Variants in GAREM2 observed in about 807,000 individuals in gnomAD.
GAREM2 encodes the protein GRB2 associated regulator of MAPK1 subtype 2.
A neutral mutation model predicts 55.6 loss-of-function variants in GAREM2; 30 were observed. The ratio of observed to expected loss-of-function variants is 0.54; its 90% confidence interval spans 0.40 to 0.73. GAREM2 has a LOEUF of 0.73. Ranked by LOEUF, GAREM2 falls within the 30% of genes least tolerant of loss-of-function variation. The probability of loss-of-function intolerance (pLI) is 0.00; values close to 1 mark genes in which losing one functional copy is unlikely to be tolerated. For missense variants in GAREM2, 1,075 were observed against 1,257.7 expected (o/e 0.85, Z 2.20); for synonymous variants, 550 against 569.1 (o/e 0.97, Z 0.48).
chr2:26,188,027 T>C lies in GAREM2; in HGVS notation c.2395T>C (p.Ser799Pro), dbSNP rs1300897102. 1 of 1,496,550 alleles carries C rather than the reference T, an allele frequency of 6.7e-7. No homozygotes were observed. Among genetic ancestry groups the C allele is most frequent in the Non-Finnish European group, 9.0e-7 (1 of 1,114,104 alleles). The allele number at this position is 1,496,550 out of a possible 1,614,324, so 92.7% of individuals were successfully genotyped here. ...ATGFGVRDAS[S>P]WQPPADLSAL... ...AGGCTTTGGAGTCCGAGATGCCTCC[T>C]CCTGGCAGCCCCCTGCTGACCTGTC... Residue 799 changes from serine to proline, a missense_variant, in exon 6 of 6, where the codon TCC becomes CCC. By Grantham distance (74) the Ser-to-Pro change is moderately conservative (BLOSUM62 -1). Transcript: ENST00000401533.
At chr2:26,183,352 T>G (rs1669116159) in intron 3 of GAREM2, among the ~76,000 whole-genome samples, 1 of 152,218 alleles carries the variant, frequency 6.6e-6, no homozygotes, top group Non-Finnish European at 1.5e-5. Flanking sequence ...TTGGAGACTT[T>G]TCAGGGCAAC....
intron 2 of GAREM2, among the ~76,000 whole-genome samples, chr2:26,178,493 T>TG (rs1281568898): frequency 6.6e-6 from 1 of 151,776 alleles, no homozygotes; most frequent in South Asian, 2.1e-4. Flanking sequence ...TGAAGCCAGG[T>TG]GGGGGGGATC....
rs374043822 is a variant in GAREM2 at position 26,180,983 on chromosome 2, C to T, written c.254-1984C>T. ...CATCCTGAGTCCCTTCCTTCCCCAC[C>T]TCCCCCTTCTTCTGTCACCCAAGCC... is the stretch of plus-strand genomic sequence containing the variant. On this transcript the variant is annotated intron_variant, in intron 2 of 5. Coordinates refer to ENST00000401533, the MANE Select transcript of GAREM2 (RefSeq NM_001168241.2). 3.8e-5 allele frequency: 37 copies of T among 985,562 alleles called. No individual in the cohort carries two copies. In the African/African-American group the frequency reaches 5.9e-4, roughly 16 times the overall value. The allele number at this position is 985,562 out of a possible 1,614,324, so 61.1% of individuals were successfully genotyped here.
rs929014675 is a variant in GAREM2 at position 26,187,324 on chromosome 2, G to A, written c.1692G>A (p.Glu564=). 1.3e-6 allele frequency: 2 copies of A among 1,533,496 alleles called. No homozygotes were observed. Among genetic ancestry groups the A allele is most frequent in the African/African-American group, 1.4e-5 (1 of 72,292 alleles). The allele number at this position is 1,533,496 out of a possible 1,614,324, so 95.0% of individuals were successfully genotyped here. ...PCTWGDCKVG[E]SSSRPAPGPL... ...CCTGGGGAGACTGCAAGGTGGGCGA[G>A]TCCTCTAGCCGCCCAGCCCCCGGTC... Residue 564 remains glutamate (E), a synonymous_variant, in exon 6 of 6, where the codon GAG becomes GAA. Coordinates refer to ENST00000401533, the MANE Select transcript of GAREM2 (RefSeq NM_001168241.2).
the GAREM2 span, among the ~76,000 whole-genome samples, chr2:26,203,628 C>T: frequency 6.6e-6 from 1 of 152,174 alleles, no homozygotes; most frequent in African/African-American, 2.4e-5. Flanking sequence ...AGTTACTGCC[C>T]ATTTCCTTAC....
At position 26,187,263 on chromosome 2, in the gene GAREM2, C is replaced by T. The variant is rs936677530; in HGVS notation, c.1631C>T (p.Ser544Leu). 13 of 1,454,358 alleles carry T rather than the reference C, an allele frequency of 8.9e-6. No individual in the cohort carries two copies. The highest frequency in any genetic ancestry group is 1.1e-5 in the Non-Finnish European group (12 of 1,098,094). The allele number at this position is 1,454,358 out of a possible 1,614,324, so 90.1% of individuals were successfully genotyped here. A position where few individuals can be genotyped will look rare whatever the true frequency, so the allele number is the denominator to read the frequency against. The stretch of plus-strand genomic sequence containing the variant: ...TCCCGCAGTGGCAGTGGCTCCCCAT[C>T]GCCGGACACCTACTCCCTCTATTGC... ...AGSRSGSGSP[S>L]PDTYSLYCYP... is the part of the protein sequence containing the mutation. Residue 544 changes from serine to leucine, a missense_variant, in exon 6 of 6, where the codon TCG becomes TTG. Transcript: ENST00000401533.
chr2:26,177,065 T>C (rs545930315), intron 2 of GAREM2, among the ~76,000 whole-genome samples: 1 of 152,354 alleles, frequency 6.6e-6, no homozygotes, highest in Admixed American at 6.5e-5. Context: ...GACGTTGACA[T>C]ATAATAAGAT....
At chr2:26,192,862 T>A (rs1324602671), downstream of GAREM2, among the ~76,000 whole-genome samples, 1 of 152,172 alleles carries the variant, frequency 6.6e-6, no homozygotes, top group Non-Finnish European at 1.5e-5. Flanking sequence ...AGCAAATTAG[T>A]CTTTGTCAGA....
At chr2:26,177,909 C>G (rs7601866) in intron 2 of GAREM2, among the ~76,000 whole-genome samples, 115,686 of 152,158 alleles carry the variant, frequency 0.76, 45,004 homozygotes, top group African/African-American at 0.93. Context: ...TTACAGGTGT[C>G]AGCCACCAAA....
chr2:26,191,241 G>A, downstream of GAREM2: 2 of 1,611,828 alleles, frequency 1.2e-6, no homozygotes, highest in Non-Finnish European at 1.7e-6. Context: ...AGCGAGGCAT[G>A]AGGCCTGCTC....
intron 3 of GAREM2, 73 bp downstream of exon 3, chr2:26,183,170 G>A: frequency 6.7e-7 from 1 of 1,501,624 alleles, no homozygotes; most frequent in South Asian, 1.2e-5. Context: ...GACTCTGGTT[G>A]GAAGGTTGCC....
At position 26,183,022 on chromosome 2, in the gene GAREM2, C is replaced by T. The variant is rs1282859521; in HGVS notation, c.309C>T (p.Phe103=). The part of the protein sequence containing the change: ...ARDVREPVRY[F]SSVEEVASVF... ...ATGTGCGGGAGCCAGTGAGGTACTTCAGCAGCGTGGAGGAGGTGGCCAGTG... is the reference window on the plus strand; with the variant it reads ...ATGTGCGGGAGCCAGTGAGGTACTTTAGCAGCGTGGAGGAGGTGGCCAGTG... The change falls in exon 3 of 6, where the codon TTC becomes TTT. Residue 103 remains phenylalanine, a synonymous_variant. Transcript: ENST00000401533. 6.4e-7 allele frequency: 1 copy of T among 1,551,746 alleles called. No individual in the cohort carries two copies. The highest frequency in any genetic ancestry group is 1.4e-5 in the African/African-American group (1 of 73,178).
downstream of GAREM2, chr2:26,191,041 C>T: frequency 1.6e-6 from 1 of 639,618 alleles, no homozygotes; most frequent in South Asian, 1.8e-5. Context: ...TGGGCTCTAC[C>T]TTCCAACAGG....
At position 26,187,445 on chromosome 2, in the gene GAREM2, G is replaced by T; in HGVS notation, c.1813G>T (p.Val605Phe). The change falls in exon 6 of 6, where the codon GTT becomes TTT. Residue 605 changes from valine (V) to phenylalanine (F), a missense_variant. By Grantham distance (50) the Val-to-Phe change is conservative. This residue lies in a region of GAREM2 where 515 missense variants were observed against 501.5 expected (regional missense o/e 1.03). Transcript: ENST00000401533. ...CTCCCTTCTGGGGGCTGACACCCCT[G>T]TTAAGACCTACCACAGCTGCCCTCC... ...AASLLGADTP[V>F]KTYHSCPPLF... 1 of 1,548,710 alleles carries T rather than the reference G, an allele frequency of 6.5e-7. No homozygotes were observed. The highest frequency in any genetic ancestry group is 8.7e-7 in the Non-Finnish European group (1 of 1,145,634).
chr2:26,204,053 C>T, the GAREM2 span: 4 of 1,613,130 alleles, frequency 2.5e-6, no homozygotes, highest in African/African-American at 5.3e-5. Context: ...AGAGAGAGAG[C>T]AGGCTTACCC....
chr2:26,187,542 C>G lies in GAREM2; in HGVS notation c.1910C>G (p.Ala637Gly), dbSNP rs769872223. 1.9e-5 allele frequency: 29 copies of G among 1,537,762 alleles called. No individual in the cohort carries two copies. The South Asian group carries it at 3.3e-4, about 17-fold the overall frequency. Residue 637 changes from alanine (A) to glycine (G), a missense_variant, in exon 6 of 6, where the codon GCC becomes GGC. Physicochemically the swap from Ala to Gly is moderately conservative, Grantham distance 60. This residue lies in a region of GAREM2 where 515 missense variants were observed against 501.5 expected (regional missense o/e 1.03). Transcript: ENST00000401533. ...GCTCTCAACCCTTTTTCCGGGCCTG[C>G]CTACCCCTCAGGCCCTTCAGCGGCC... ...FGALNPFSGP[A>G]YPSGPSAALS...
rs767438707 is a variant in GAREM2 at position 26,185,067 on chromosome 2, C to G, written c.1219C>G (p.Gln407Glu). The G allele has an allele frequency of 3.7e-4, 476 of 1,299,218 alleles. No homozygotes were observed. The highest frequency in any genetic ancestry group is 3.1e-4 in the Non-Finnish European group (316 of 1,025,472). 80.5% of individuals were successfully genotyped at this position (1,299,218 alleles called of 1,614,324 possible). The change falls in exon 4 of 6, where the codon CAG becomes GAG. Residue 407 changes from glutamine (Q) to glutamate (E), a missense_variant. Physicochemically the swap from Gln to Glu is conservative, Grantham distance 29. Coordinates refer to ENST00000401533, the MANE Select transcript of GAREM2 (RefSeq NM_001168241.2). ...LAPAPAGEGD[Q>E]EYVSPDWAAA... ...GCCGGCTCCCGCCGGCGAGGGCGAC[C>G]AGGAGTACGTGAGCCCCGACTGGGC...
chr2:26,187,943 CT>C lies in GAREM2; in HGVS notation c.2316del (p.Leu773Ter). ...ALQGPEAGGA[L>X]FLTQGRLEGP... is the part of the protein sequence containing the mutation. ...GCAGGGACCCGAGGCGGGAGGAGCA[CT>C]TTTTCTAACCCAAGGGCGCCTGGAA... On this transcript the variant is annotated frameshift_variant, in exon 6 of 6. Transcript: ENST00000401533. LOFTEE classifies it high-confidence loss of function. 1.4e-6 allele frequency: 2 copies of C among 1,451,640 alleles called. No individual in the cohort carries two copies. Among genetic ancestry groups the C allele is most frequent in the Non-Finnish European group, 1.8e-6 (2 of 1,097,672 alleles). 89.9% of individuals were successfully genotyped at this position (1,451,640 alleles called of 1,614,324 possible).
downstream of GAREM2, chr2:26,192,267 G>T: frequency 9.8e-7 from 1 of 1,024,682 alleles, no homozygotes; most frequent in Non-Finnish European, 1.6e-6. Context: ...TGGGCTGTCA[G>T]AGAAAGTCAA....
Sources: allele counts gnomAD v4.1 joint callset (sites outside exome capture counted in the v4.1 genomes callset), GRCh38; gene constraint gnomAD v4.1.1; regional missense constraint gnomAD v4.1.1; transcripts MANE v1.5; gene names NCBI Gene and HGNC (gene_info 2026-07-23, HGNC 2026-07-21).